SLC22A25: variants seen among roughly 807,000 people sequenced by gnomAD.
SLC22A25 encodes the protein MGI:2442751, MGI:2385316, MGI:3042283, MGI:3645714, MGI:3605624, MGI:2442750.
In SLC22A25, 44 loss-of-function variants were observed where a neutral mutation model predicts 45.9. The observed-to-expected ratio is 0.96, with a 90% CI of 0.75 to 1.23. The LOEUF is 1.23. SLC22A25 is among the 50% of genes most tolerant of loss of function. The pLI is 0.00. For synonymous variants in SLC22A25, 283 were observed against 238.6 expected (o/e 1.19, Z -1.72); for missense variants, 800 against 666.4 (o/e 1.20, Z -2.21).
chr11:63,216,958 G>A (rs1366756119), intron 7 of SLC22A25, among the ~76,000 whole-genome samples: 1 of 152,108 alleles, frequency 6.6e-6, no homozygotes, highest in Non-Finnish European at 1.5e-5. Context: ...TTCTTTATCT[G>A]AAATTTGAAT....
Position 63,158,474 on chromosome 11 carries a change from A to G in SLC22A25, c.*5350T>C, listed in dbSNP as rs750132850. Among the ~76,000 whole-genome samples, 18 of 152,188 alleles carry G rather than the reference A, an allele frequency of 1.2e-4. No homozygotes were observed. On this transcript the variant is annotated 3_prime_UTR_variant, in exon 12 of 12. Coordinates refer to ENST00000306494, the MANE Select transcript of SLC22A25 (RefSeq NM_199352.6). ...TGTTTTATTTTTAATTTTTGTGGCT[A>G]CATAGTAGATGGATATATTTATGGG...
At chr11:63,207,101 C>T (rs2089426837) in intron 7 of SLC22A25, among the ~76,000 whole-genome samples, 1 of 152,060 alleles carries the variant, frequency 6.6e-6, no homozygotes, top group African/African-American at 2.4e-5. Flanking sequence ...AGGGGTCCAC[C>T]TTATACAAAA....
rs2087606536 is a variant in SLC22A25 at position 63,164,382 on chromosome 11, T to C, written c.1394+144A>G. 3.9e-6 allele frequency: 3 copies of C among 777,054 alleles called. No individual in the cohort carries two copies. In the South Asian group the frequency reaches 5.3e-5, roughly 14 times the overall value. The allele number at this position is 777,054 out of a possible 1,614,324, so 48.1% of individuals were successfully genotyped here. ...GGAACAAAGTCAGCTTGATATAAAC[T>C]TGGGCTGTAATTTGTTGTTTTTATG... On this transcript the variant is annotated intron_variant, in intron 11 of 11. Transcript: ENST00000306494.
rs185054537 is a variant in SLC22A25 at position 63,220,960 on chromosome 11, T to C, written c.507-3225A>G. On this transcript the variant is annotated intron_variant, in intron 5 of 11. Transcript: ENST00000306494. ...GTTGTTGCAAATGACAAGATCTCAT[T>C]CTTTTTTATGGCTGAATAATACTCT... Among the ~76,000 whole-genome samples the C allele has an allele frequency of 5.9e-5, 9 of 152,336 alleles. No individual in the cohort carries two copies. In the East Asian group the frequency reaches 1.7e-3, roughly 29 times the overall value.
intron 5 of SLC22A25, among the ~76,000 whole-genome samples, chr11:63,220,774 C>T (rs2089835470): frequency 6.6e-6 from 1 of 152,166 alleles, no homozygotes. Flanking sequence ...GACACACCCA[C>T]TACTGCCCTT....
intron 5 of SLC22A25, among the ~76,000 whole-genome samples, chr11:63,218,515 TA>T (rs1048706525): frequency 6.6e-6 from 1 of 151,948 alleles, no homozygotes; most frequent in African/African-American, 2.4e-5. Context: ...AAGTTGAAAT[TA>T]AAAAAAGAGA....
At chr11:63,215,141 A>T (rs1341280055) in intron 7 of SLC22A25, among the ~76,000 whole-genome samples, 1 of 152,224 alleles carries the variant, frequency 6.6e-6, no homozygotes, top group East Asian at 1.9e-4. Context: ...ACATATGTTT[A>T]TTGCAGAACT....
rs2090190706 is a variant in SLC22A25 at position 63,237,934 on chromosome 11, T to G, written c.-498A>C. 6.6e-6 allele frequency: 1 copy of G among 152,262 alleles called. No homozygotes were observed. Among genetic ancestry groups the G allele is most frequent in the African/African-American group, 2.4e-5 (1 of 41,460 alleles). The allele number at this position is 152,262 out of a possible 1,614,324, so 9.4% of individuals were successfully genotyped here. A position where few individuals can be genotyped will look rare whatever the true frequency, so the allele number is the denominator to read the frequency against. On this transcript the variant is annotated 5_prime_UTR_variant, in exon 3 of 12. Coordinates refer to ENST00000306494, the MANE Select transcript of SLC22A25 (RefSeq NM_199352.6). ...TCATCTGTCTGATAAATGGCCATAT[T>G]GGATGCCTTTCACCACCACTCCATG... is the stretch of plus-strand genomic sequence containing the variant.
At chr11:63,209,316 A>G (rs1476170951) in intron 7 of SLC22A25, among the ~76,000 whole-genome samples, 4 of 152,264 alleles carry the variant, frequency 2.6e-5, no homozygotes, top group South Asian at 2.1e-4. Context: ...AGCCCCTAGC[A>G]TCTCCCAGGA....
At chr11:63,235,641 A>C (rs996628138) in intron 3 of SLC22A25, among the ~76,000 whole-genome samples, 1 of 152,128 alleles carries the variant, frequency 6.6e-6, no homozygotes, top group African/African-American at 2.4e-5. Context: ...TCCTCTCTCA[A>C]GTCATTGAAG....
At chr11:63,174,420 A>G (rs929198317) in intron 9 of SLC22A25, among the ~76,000 whole-genome samples, 3 of 152,168 alleles carry the variant, frequency 2.0e-5, no homozygotes, top group Non-Finnish European at 4.4e-5. Context: ...GGCATATGCC[A>G]GTCTAAGCTA....
At position 63,233,695 on chromosome 11, in the gene SLC22A25, T is replaced by G. The variant is rs1223270504; in HGVS notation, c.-444-3599A>C. Among the ~76,000 whole-genome samples the G allele has an allele frequency of 2.6e-5, 4 of 152,340 alleles. No individual in the cohort carries two copies. In the East Asian group the frequency reaches 7.7e-4, roughly 29 times the overall value. ...TCTGCTAGGTTTTGAATGTGTTTGC[T>G]CTTGCTTCTCTAGTTCTTTTAATTG... is the stretch of plus-strand genomic sequence containing the variant. On this transcript the variant is annotated intron_variant, in intron 3 of 11. Coordinates refer to ENST00000306494, the MANE Select transcript of SLC22A25 (RefSeq NM_199352.6).
rs1196828182 is a variant in SLC22A25, at chr11:63,212,016, T to C, written c.830+5298A>G. Among the ~76,000 whole-genome samples the C allele has an allele frequency of 5.9e-5, 9 of 151,896 alleles. No individual in the cohort carries two copies. The South Asian group carries it at 6.2e-4, about 11-fold the overall frequency. On this transcript the variant is annotated intron_variant, in intron 7 of 11. Transcript: ENST00000306494. ...TCAAAAAGTGGGCGAAGGATATGAATAGACACTTCTCAAAAGAAGACATTT... is the reference window on the plus strand; with the variant it reads ...TCAAAAAGTGGGCGAAGGATATGAACAGACACTTCTCAAAAGAAGACATTT...
intron 7 of SLC22A25, among the ~76,000 whole-genome samples, chr11:63,201,019 GA>G: frequency 6.6e-6 from 1 of 151,626 alleles, no homozygotes; most frequent in Non-Finnish European, 1.5e-5. Context: ...GATACAAACA[GA>G]AAAAATTGCA....
intron 4 of SLC22A25, 95 bp downstream of exon 4, chr11:63,229,156 C>A: frequency 7.7e-7 from 1 of 1,302,040 alleles, no homozygotes; most frequent in Non-Finnish European, 1.0e-6. Context: ...AGAATAAGCA[C>A]CTACATGTGA....
At chr11:63,198,183 A>G (rs986977432) in intron 7 of SLC22A25, among the ~76,000 whole-genome samples, 1 of 152,242 alleles carries the variant, frequency 6.6e-6, no homozygotes, top group African/African-American at 2.4e-5. Context: ...TGAAGGATCT[A>G]GAACTAGAAA....
intron 9 of SLC22A25, chr11:63,167,659 G>T (rs1393151043): frequency 1.3e-5 from 2 of 152,648 alleles, no homozygotes; most frequent in Admixed American, 1.3e-4. Flanking sequence ...AAAGGCAGCA[G>T]CCCCAGTCAA....
intron 7 of SLC22A25, among the ~76,000 whole-genome samples, chr11:63,215,027 T>C (rs1293197100): frequency 6.6e-6 from 1 of 152,204 alleles, no homozygotes; most frequent in Non-Finnish European, 1.5e-5. Context: ...AGTGTGGTGA[T>C]TCTTCAAAGA....
At chr11:63,184,290 A>G (rs1295409931) in intron 7 of SLC22A25, among the ~76,000 whole-genome samples, 4 of 152,102 alleles carry the variant, frequency 2.6e-5, no homozygotes, top group African/African-American at 9.7e-5. Context: ...CATTTACCTA[A>G]ATCTTCCTCA....
Sources: allele counts gnomAD v4.1 joint callset (sites outside exome capture counted in the v4.1 genomes callset), GRCh38; gene constraint gnomAD v4.1.1; transcripts MANE v1.5; gene names NCBI Gene and HGNC (gene_info 2026-07-23, HGNC 2026-07-21).